ZNF548: variants seen among roughly 807,000 people sequenced by gnomAD.
The protein encoded by ZNF548 is zinc finger protein 548.
Under a neutral mutation model 10.2 loss-of-function variants are expected in ZNF548, and 10 were observed. That is an observed-to-expected ratio of 0.98 (90% confidence interval 0.60 to 1.66). The LOEUF is 1.66. Among genes scored for constraint, ZNF548 ranks in the 40% most tolerant of loss-of-function variants. ZNF548 has a pLI of 0.00. For missense variants in ZNF548, 599 were observed against 657.0 expected (o/e 0.91, Z 0.97); for synonymous variants, 217 against 223.5 (o/e 0.97, Z 0.26).
intron 1 of ZNF548, chr19:57,390,813 A>G (rs935234573): frequency 6.6e-6 from 1 of 152,256 alleles, no homozygotes; most frequent in Non-Finnish European, 1.5e-5. Flanking sequence ...ATGTCTCAAG[A>G]TGGATATGTC....
intron 2 of ZNF548, 119 bp downstream of exon 2, chr19:57,394,342 G>GTTAGTTTCAGTA (rs2088650397): frequency 9.8e-7 from 1 of 1,021,382 alleles, no homozygotes; most frequent in African/African-American, 1.6e-5. Flanking sequence ...GGTTTCACCA[G>GTTAGTTTCAGTA]TTAGTTTCAG....
In ZNF548 at chr19:57,399,962, C is replaced by G. The variant is rs2037170575; in HGVS notation, c.*73C>G. The G allele has an allele frequency of 7.8e-7, 1 of 1,285,628 alleles. No homozygotes were observed. Among genetic ancestry groups the G allele is most frequent in the Admixed American group, 2.7e-5 (1 of 36,758 alleles). 79.6% of individuals were successfully genotyped at this position (1,285,628 alleles called of 1,614,324 possible). The stretch of plus-strand genomic sequence containing the variant: ...AACTAATCTCCAGAACATTTTTCCT[C>G]TTACCAAGAAGTAAAATGCTGTACC... On this transcript the variant is annotated 3_prime_UTR_variant, in exon 4 of 4. Transcript: ENST00000336128. The surrounding 1 kb of genome is among the most constrained non-coding windows in gnomAD (Gnocchi z 4.0).
chr19:57,391,343 A>G (rs532242848), intron 1 of ZNF548, among the ~76,000 whole-genome samples: 49 of 148,504 alleles, frequency 3.3e-4, no homozygotes, highest in African/African-American at 1.1e-3. Context: ...GTGTATATAT[A>G]TGCCACATTT....
rs1471241060 is a variant in ZNF548 at position 57,390,181 on chromosome 19, C to T, written c.15+67C>T. ...CCAGTGCTGAAGCCCCCTGAAGGGGCCCTGCAGGTCAGGCCCCTTGTCCCG... is the reference window on the plus strand; with the variant it reads ...CCAGTGCTGAAGCCCCCTGAAGGGGTCCTGCAGGTCAGGCCCCTTGTCCCG... On this transcript the variant is annotated intron_variant, in intron 1 of 3. Transcript: ENST00000336128. The T allele has an allele frequency of 2.1e-5, 33 of 1,557,728 alleles. No individual in the cohort carries two copies. The East Asian group carries it at 4.3e-4, about 20-fold the overall frequency.
At chr19:57,396,932 G>A in intron 2 of ZNF548, 116 bp from the exon 3 acceptor site, 1 of 1,410,326 alleles carries the variant, frequency 7.1e-7, no homozygotes, top group Non-Finnish European at 9.6e-7. Context: ...AACACATTTG[G>A]CTGTTAGTTT....
chr19:57,399,330 A>T lies in ZNF548; in HGVS notation c.1079A>T (p.Tyr360Phe). 1 of 1,614,172 alleles carries T rather than the reference A, an allele frequency of 6.2e-7. No individual in the cohort carries two copies. The highest frequency in any genetic ancestry group is 8.5e-7 in the Non-Finnish European group (1 of 1,179,984). Residue 360 changes from tyrosine to phenylalanine, a missense_variant, in exon 4 of 4, where the codon TAT becomes TTT. Transcript: ENST00000336128. This position sits in a 1 kb window ranked among gnomAD's most constrained non-coding sequence, Gnocchi z 4.0. ...AATGATTGTGGGAAATTTTTTAGGTATATCTCCACACTCATTAGACATCAG... is the reference window on the plus strand; with the variant it reads ...AATGATTGTGGGAAATTTTTTAGGTTTATCTCCACACTCATTAGACATCAG... Reference protein sequence around the residue: ...KCNDCGKFFRYISTLIRHQRI... With the variant: ...KCNDCGKFFRFISTLIRHQRI...
At chr19:57,391,793 T>TG (rs1226810782) in intron 1 of ZNF548, among the ~76,000 whole-genome samples, 3 of 143,856 alleles carry the variant, frequency 2.1e-5, no homozygotes, top group Admixed American at 6.9e-5. Context: ...CTTACTGTTT[T>TG]TTTTTTTTTT....
chr19:57,399,544 G>T lies in ZNF548; in HGVS notation c.1293G>T (p.Arg431Ser). 6.2e-7 allele frequency: 1 copy of T among 1,613,936 alleles called. No homozygotes were observed. The highest frequency in any genetic ancestry group is 8.5e-7 in the Non-Finnish European group (1 of 1,179,996). Residue 431 changes from arginine to serine, a missense_variant, in exon 4 of 4, where the codon AGG becomes AGT. Arg to Ser is a moderately radical substitution (Grantham distance 110). Coordinates refer to ENST00000336128, the MANE Select transcript of ZNF548 (RefSeq NM_001172773.2). This position sits in a 1 kb window ranked among gnomAD's most constrained non-coding sequence, Gnocchi z 4.0. ...IRHQRVHTGE[R>S]PYECSECGKF... Reference sequence around the variant, plus strand: ...ACCAGAGAGTCCACACGGGAGAAAGGCCTTATGAGTGCAGCGAATGCGGGA... The same window carrying T: ...ACCAGAGAGTCCACACGGGAGAAAGTCCTTATGAGTGCAGCGAATGCGGGA...
chr19:57,399,818 G>A lies in ZNF548; in HGVS notation c.1567G>A (p.Gly523Arg). The change falls in exon 4 of 4, where the codon GGG becomes AGG. Residue 523 changes from glycine (G) to arginine (R), a missense_variant. Transcript: ENST00000336128. This position sits in a 1 kb window ranked among gnomAD's most constrained non-coding sequence, Gnocchi z 4.0. ...GAGGCTTGTGTGCTCCATGAATGTG[G>A]GGAATTCTTTAGCTAAAACTCCAAC... The part of the protein sequence containing the change: ...EERLVCSMNV[G>R]NSLAKTPTSL... 1.2e-6 allele frequency: 2 copies of A among 1,613,776 alleles called. No homozygotes were observed. The highest frequency in any genetic ancestry group is 1.6e-4 in the Middle Eastern group (1 of 6,062).
intron 1 of ZNF548, 185 bp downstream of exon 1, chr19:57,390,299 G>A (rs1399544082): frequency 1.8e-6 from 1 of 563,454 alleles, no homozygotes; most frequent in African/African-American, 1.9e-5. Flanking sequence ...AGAGCATGGA[G>A]GCGCTGCCGA....
In ZNF548 at chr19:57,394,199, G is replaced by A. The variant is rs763643625; in HGVS notation, c.27G>A (p.Ala9=). The change falls in exon 2 of 4, where the codon GCG becomes GCA. Residue 9 remains alanine, a synonymous_variant. Transcript: ENST00000336128. MNLTEGPL[A]MAEMDPTQGR... is the part of the protein sequence containing the mutation. The stretch of plus-strand genomic sequence containing the variant: ...TTCTCTTCCCTCAGGGTCCCCTGGC[G>A]ATGGCAGAAATGGACCCTACACAGG... 8.1e-6 allele frequency: 13 copies of A among 1,604,446 alleles called. No individual in the cohort carries two copies. Among genetic ancestry groups the A allele is most frequent in the South Asian group, 4.4e-5 (4 of 90,608 alleles).
Position 57,398,624 on chromosome 19 carries a change from A to G in ZNF548, c.373A>G (p.Ile125Val). 6.2e-7 allele frequency: 1 copy of G among 1,614,042 alleles called. No individual in the cohort carries two copies. Among genetic ancestry groups the G allele is most frequent in the East Asian group, 2.2e-5 (1 of 44,890 alleles). ...NGIHPEQHIY[I>V]CEAELFQHPK... is the part of the protein sequence containing the mutation. ...AATTCATCCTGAGCAACACATATAT[A>G]TTTGTGAGGCAGAGCTTTTTCAGCA... Residue 125 changes from isoleucine (I) to valine (V), a missense_variant, in exon 4 of 4, where the codon ATT becomes GTT. By Grantham distance (29) the Ile-to-Val change is conservative. Transcript: ENST00000336128.
chr19:57,399,385 G>A lies in ZNF548; in HGVS notation c.1134G>A (p.Glu378=). 1 of 1,614,198 alleles carries A rather than the reference G, an allele frequency of 6.2e-7. No individual in the cohort carries two copies. The highest frequency in any genetic ancestry group is 1.1e-5 in the South Asian group (1 of 91,084). ...QRIHTGERPY[E]CSVCGELFRY... The stretch of plus-strand genomic sequence containing the variant: ...TTCACACTGGAGAAAGGCCTTATGA[G>A]TGCAGTGTATGTGGGGAATTGTTTA... Residue 378 remains glutamate (E), a synonymous_variant, in exon 4 of 4, where the codon GAG becomes GAA. Transcript: ENST00000336128. This position sits in a 1 kb window ranked among gnomAD's most constrained non-coding sequence, Gnocchi z 4.0.
At position 57,397,176 on chromosome 19, in the gene ZNF548, T is replaced by G; in HGVS notation, c.178+2T>G. The G allele has an allele frequency of 1.2e-6, 2 of 1,601,588 alleles. No homozygotes were observed. The highest frequency in any genetic ancestry group is 1.7e-6 in the Non-Finnish European group (2 of 1,172,946). ...ATTTGGCCCTTTTGTCCTCACTAGG[T>G]AAGGCCCTCACACTTGCCCAGTGTC... On this transcript the variant is annotated splice_donor_variant, in intron 3 of 3. Transcript: ENST00000336128. LOFTEE classifies it high-confidence loss of function.
Position 57,395,634 on chromosome 19 carries a change from T to C in ZNF548, c.51+1411T>C, listed in dbSNP as rs182529441. On this transcript the variant is annotated intron_variant, in intron 2 of 3. Coordinates refer to ENST00000336128, the MANE Select transcript of ZNF548 (RefSeq NM_001172773.2). This position sits in a 1 kb window ranked among gnomAD's most constrained non-coding sequence, Gnocchi z 4.8. ...CAGATCTCGTGAGAACTTACTATTA[T>C]GAGAAAGGCAAGGGGAAAATATGCC... Among the ~76,000 whole-genome samples, 9 of 152,128 alleles carry C rather than the reference T, an allele frequency of 5.9e-5. No homozygotes were observed. In the East Asian group the frequency reaches 1.7e-3, roughly 29 times the overall value.
intron 1 of ZNF548, 94 bp from the exon 2 acceptor site, chr19:57,394,094 T>A: frequency 7.5e-7 from 1 of 1,329,290 alleles, no homozygotes. Context: ...GAGATCAGTT[T>A]GCTCCCAGGC....
At chr19:57,391,801 T>TG (rs891904522) in intron 1 of ZNF548, among the ~76,000 whole-genome samples, 6 of 146,544 alleles carry the variant, frequency 4.1e-5, no homozygotes, top group Non-Finnish European at 7.5e-5. Context: ...TTTTTTTTTT[T>TG]TTTTTTTTTT....
chr19:57,399,224 G>C lies in ZNF548; in HGVS notation c.973G>C (p.Glu325Gln). ...HTGERPYECR[E>Q]CGKFFMDSST... Reference sequence around the variant, plus strand: ...CGGAGAAAGGCCGTATGAGTGCAGGGAATGTGGGAAATTCTTTATGGACAG... The same window carrying C: ...CGGAGAAAGGCCGTATGAGTGCAGGCAATGTGGGAAATTCTTTATGGACAG... Residue 325 changes from glutamate (E) to glutamine (Q), a missense_variant, in exon 4 of 4, where the codon GAA (glutamate) becomes CAA (glutamine). Transcript: ENST00000336128. The surrounding 1 kb of genome is among the most constrained non-coding windows in gnomAD (Gnocchi z 4.0). The C allele has an allele frequency of 2.5e-6, 4 of 1,614,110 alleles. No individual in the cohort carries two copies. In the Admixed American group the frequency reaches 5.0e-5, roughly 20 times the overall value.
intron 3 of ZNF548, among the ~76,000 whole-genome samples, chr19:57,398,067 ACAAG>A (rs1231822637): frequency 1.3e-5 from 2 of 152,108 alleles, no homozygotes; most frequent in African/African-American, 4.8e-5. Context: ...ATCCCTGAAC[ACAAG>A]CTCCTCTGTC....
Sources: allele counts gnomAD v4.1 joint callset (sites outside exome capture counted in the v4.1 genomes callset), GRCh38; gene constraint gnomAD v4.1.1; non-coding constraint Gnocchi (gnomAD v3.1); transcripts MANE v1.5; gene names NCBI Gene and HGNC (gene_info 2026-07-23, HGNC 2026-07-21).